Variants in SDK1 observed in about 807,000 individuals in gnomAD.
SDK1 encodes the protein sidekick cell adhesion molecule 1, also known as protein sidekick-1.
A neutral mutation model predicts 245.5 loss-of-function variants in SDK1; 157 were observed. That is an observed-to-expected ratio of 0.64 (90% CI 0.56 to 0.73). The LOEUF is 0.73. Among genes scored for constraint, SDK1 ranks in the 30% least tolerant of loss-of-function variants. The pLI, the probability that SDK1 is intolerant of heterozygous loss-of-function variation, is 0.00. For missense variants in SDK1, 3,583 were observed against 3,002.3 expected (o/e 1.19, Z -4.52); for synonymous variants, 1,647 against 1,278.5 (o/e 1.29, Z -6.15).
chr7:4,198,232 C>G (rs1783692687), intron 35 of SDK1, among the ~76,000 whole-genome samples: 1 of 152,178 alleles, frequency 6.6e-6, no homozygotes, highest in South Asian at 2.1e-4. Context: ...TGCTAGCGGC[C>G]CAAACCCATC....
chr7:3,530,691 A>G (rs962972249), intron 1 of SDK1, among the ~76,000 whole-genome samples: 3 of 152,224 alleles, frequency 2.0e-5, no homozygotes, highest in African/African-American at 7.2e-5. Flanking sequence ...TGTGAATATG[A>G]AGTTAGCTTA....
chr7:3,582,652 C>T (rs1428319924), intron 1 of SDK1, among the ~76,000 whole-genome samples: 1 of 133,812 alleles, frequency 7.5e-6, no homozygotes, highest in Admixed American at 8.1e-5. Context: ...CATAACAAAC[C>T]TGCACATGTA....
chr7:4,107,152 T>TGGGGAGGGG (rs1782983928), intron 22 of SDK1, among the ~76,000 whole-genome samples: 1 of 3,562 alleles, frequency 2.8e-4, no homozygotes, highest in African/African-American at 1.0e-3. Flanking sequence ...GTGGGGAGGG[T>TGGGGAGGGG]GGGGAGGGTG....
chr7:3,388,936 G>A (rs1781676739), intron 1 of SDK1, among the ~76,000 whole-genome samples: 1 of 152,104 alleles, frequency 6.6e-6, no homozygotes, highest in African/African-American at 2.4e-5. Flanking sequence ...ACAAATGAGA[G>A]AATACAATTA....
At chr7:4,204,219 C>G (rs1784062611) in intron 35 of SDK1, among the ~76,000 whole-genome samples, 1 of 152,232 alleles carries the variant, frequency 6.6e-6, no homozygotes, top group Admixed American at 6.5e-5. Context: ...GGCAAACATG[C>G]AAAAGACATT....
intron 1 of SDK1, among the ~76,000 whole-genome samples, chr7:3,516,152 T>C (rs1174303450): frequency 6.6e-6 from 1 of 150,956 alleles, no homozygotes; most frequent in Non-Finnish European, 1.5e-5. Flanking sequence ...AAAATATACA[T>C]TTGCATGTAT....
At position 3,851,091 on chromosome 7, in the gene SDK1, C is replaced by T. The variant is rs529974800; in HGVS notation, c.847+29508C>T. Among the ~76,000 whole-genome samples, 3 of 152,232 alleles carry T rather than the reference C, an allele frequency of 2.0e-5. No homozygotes were observed. The South Asian group carries it at 6.2e-4, about 32-fold the overall frequency. On this transcript the variant is annotated intron_variant, in intron 5 of 44. Transcript: ENST00000404826. ...CCTGATGGTGCAACTAAATAAACCC[C>T]GTGCATGCATGATTAGTAATTCAAA... is the stretch of plus-strand genomic sequence containing the variant.
At chr7:3,536,136 A>T (rs952161162) in intron 1 of SDK1, among the ~76,000 whole-genome samples, 1 of 151,330 alleles carries the variant, frequency 6.6e-6, no homozygotes, top group African/African-American at 2.4e-5. Flanking sequence ...GGCTCACTGC[A>T]AGCTCCGCCT....
At chr7:3,888,301 T>A (rs935777269) in intron 5 of SDK1, among the ~76,000 whole-genome samples, 6 of 152,202 alleles carry the variant, frequency 3.9e-5, no homozygotes, top group African/African-American at 1.4e-4. Context: ...GCTGTTTTCA[T>A]CATATTGTCC....
At chr7:3,934,074 C>T (rs945905115) in intron 5 of SDK1, among the ~76,000 whole-genome samples, 5 of 152,202 alleles carry the variant, frequency 3.3e-5, no homozygotes, top group Non-Finnish European at 4.4e-5. Flanking sequence ...TGTAACTAGA[C>T]GGTGAATTTA....
chr7:3,336,094 C>T (rs1239312717), intron 1 of SDK1, among the ~76,000 whole-genome samples: 11 of 152,118 alleles, frequency 7.2e-5, no homozygotes, highest in Admixed American at 7.2e-4. Context: ...GAGCCTGTTC[C>T]CCATAGCCAG....
chr7:3,638,690 C>G (rs1001947109), intron 2 of SDK1, among the ~76,000 whole-genome samples: 2 of 148,664 alleles, frequency 1.3e-5, no homozygotes, highest in Admixed American at 1.3e-4. Flanking sequence ...TGCTAAATGA[C>G]GAGTTAATGG....
intron 1 of SDK1, among the ~76,000 whole-genome samples, chr7:3,424,063 C>T (rs1779607059): frequency 1.3e-5 from 2 of 152,056 alleles, no homozygotes; most frequent in African/African-American, 4.8e-5. Flanking sequence ...AGGTGCGCGC[C>T]ACCATGCCTA....
Position 4,129,998 on chromosome 7 carries a change from C to A in SDK1, c.4030C>A (p.Arg1344Ser), listed in dbSNP as rs201949754. 6.2e-7 allele frequency: 1 copy of A among 1,613,580 alleles called. No individual in the cohort carries two copies. The highest frequency in any genetic ancestry group is 1.3e-5 in the African/African-American group (1 of 74,948). The change falls in exon 27 of 45, where the codon CGC becomes AGC. Residue 1344 changes from arginine to serine, a missense_variant. Arg to Ser is a moderately radical substitution (Grantham distance 110). Coordinates refer to ENST00000404826, the MANE Select transcript of SDK1 (RefSeq NM_152744.4). ...GCAGTCGGCCCTGCTGGCAGGCCTG[C>A]GCAAGTTCGTGCTCTACGAGCTCCA... is the stretch of plus-strand genomic sequence containing the variant. ...HTQSALLAGL[R>S]KFVLYELQVL...
At chr7:3,329,347 T>C (rs1780011515) in intron 1 of SDK1, among the ~76,000 whole-genome samples, 1 of 152,200 alleles carries the variant, frequency 6.6e-6, no homozygotes, top group Non-Finnish European at 1.5e-5. Context: ...TTTCACATAC[T>C]TTTTTGAAAA....
intron 22 of SDK1, among the ~76,000 whole-genome samples, chr7:4,104,044 G>A (rs544778680): frequency 1.3e-5 from 2 of 152,384 alleles, no homozygotes; most frequent in East Asian, 1.9e-4. Flanking sequence ...GGAGTTTGCT[G>A]ACTGCAGTAC....
At chr7:3,909,769 C>G (rs1032278148) in intron 5 of SDK1, among the ~76,000 whole-genome samples, 2 of 152,192 alleles carry the variant, frequency 1.3e-5, no homozygotes, top group Non-Finnish European at 2.9e-5. Context: ...TTCTCATGGT[C>G]GATGGCTTTA....
intron 32 of SDK1, among the ~76,000 whole-genome samples, chr7:4,166,855 C>T (rs1366026209): frequency 6.6e-6 from 1 of 152,198 alleles, no homozygotes; most frequent in Non-Finnish European, 1.5e-5. Flanking sequence ...CCTACCTCAG[C>T]AGAGAGAGCT....
chr7:4,251,727 T>A (rs1270050740), intron 44 of SDK1, among the ~76,000 whole-genome samples: 1 of 152,246 alleles, frequency 6.6e-6, no homozygotes, highest in Non-Finnish European at 1.5e-5. Flanking sequence ...TTTTTACCAG[T>A]CAAGTTCCCA....
Sources: gnomAD v4.1 joint callset for allele counts (sites outside exome capture counted in the v4.1 genomes callset) on GRCh38, gnomAD v4.1.1 for gene constraint, MANE v1.5 for transcripts, NCBI Gene and HGNC (gene_info 2026-07-23, HGNC 2026-07-21) for gene names.